The following ACOXL variants were observed in gnomAD, a reference collection of about 807,000 sequenced individuals.
ACOXL encodes acyl-coenzyme A oxidase-like protein.
In ACOXL, 70 loss-of-function variants were observed where a neutral mutation model predicts 71.9. The observed-to-expected ratio is 0.97, with a 90% CI of 0.80 to 1.19. The LOEUF (loss-of-function observed/expected upper bound fraction) is 1.19. Among genes scored for constraint, ACOXL ranks in the 50% most tolerant of loss-of-function variants. The pLI, the probability that ACOXL is intolerant of heterozygous loss-of-function variation, is 0.00. For synonymous variants in ACOXL, 253 were observed against 281.6 expected (o/e 0.90, Z 1.02); for missense variants, 703 against 736.3 (o/e 0.95, Z 0.52).
chr2:111,110,706 T>C (rs1259616766), intron 17 of ACOXL, among the ~76,000 whole-genome samples: 1 of 152,208 alleles, frequency 6.6e-6, no homozygotes, highest in Admixed American at 6.5e-5. Context: ...AAAGAGCTCA[T>C]CTCTCTGAAA....
intron 14 of ACOXL, among the ~76,000 whole-genome samples, chr2:111,018,833 CA>C (rs2064600022): frequency 6.6e-6 from 1 of 152,110 alleles, no homozygotes; most frequent in African/African-American, 2.4e-5. Flanking sequence ...CCCCAAATTG[CA>C]GTTGGGTTAG....
chr2:111,088,543 G>A (rs901036157), intron 16 of ACOXL, among the ~76,000 whole-genome samples: 2 of 152,160 alleles, frequency 1.3e-5, no homozygotes, highest in African/African-American at 4.8e-5. Context: ...AGAAAACCAA[G>A]TACTGCTTGT....
intron 11 of ACOXL, among the ~76,000 whole-genome samples, chr2:110,910,293 C>G (rs2059606926): frequency 6.6e-6 from 1 of 152,150 alleles, no homozygotes; most frequent in Non-Finnish European, 1.5e-5. Context: ...TCTTGATGTT[C>G]CTCAATGTTG....
At chr2:110,998,360 A>C (rs2063485535) in intron 14 of ACOXL, among the ~76,000 whole-genome samples, 1 of 152,230 alleles carries the variant, frequency 6.6e-6, no homozygotes, top group Non-Finnish European at 1.5e-5. Flanking sequence ...GAAGATAAAC[A>C]AGTGGTCAGA....
At position 110,975,180 on chromosome 2, in the gene ACOXL, C is replaced by T. The variant is rs561785590; in HGVS notation, c.1060-11928C>T. On this transcript the variant is annotated intron_variant, in intron 12 of 17. Transcript: ENST00000439055. Reference sequence around the variant, plus strand: ...TGATTCCTTAGGGATTTCAGACTCCCGAGGGTATTTTCCTAAGGATAATCA... The same window carrying T: ...TGATTCCTTAGGGATTTCAGACTCCTGAGGGTATTTTCCTAAGGATAATCA... Among the ~76,000 whole-genome samples, 13 of 152,252 alleles carry T rather than the reference C, an allele frequency of 8.5e-5. No homozygotes were observed. The South Asian group carries it at 1.9e-3, about 22-fold the overall frequency.
In ACOXL at chr2:111,118,545, G is replaced by A. The variant is rs2070500477; in HGVS notation, c.*729G>A. Among the ~76,000 whole-genome samples the A allele has an allele frequency of 1.3e-5, 2 of 152,232 alleles. No individual in the cohort carries two copies. Among genetic ancestry groups the A allele is most frequent in the African/African-American group, 4.8e-5 (2 of 41,454 alleles). ...GTTTAATAAAGAAATTAAGCGATGTGGAAGTCGTTCCCGCTGCTTGCAGAG... is the reference window on the plus strand; with the variant it reads ...GTTTAATAAAGAAATTAAGCGATGTAGAAGTCGTTCCCGCTGCTTGCAGAG... On this transcript the variant is annotated 3_prime_UTR_variant, in exon 18 of 18. Coordinates refer to ENST00000439055, the MANE Select transcript of ACOXL (RefSeq NM_001142807.4).
chr2:110,860,746 C>G (rs899874671), intron 10 of ACOXL, among the ~76,000 whole-genome samples: 1 of 152,154 alleles, frequency 6.6e-6, no homozygotes, highest in Non-Finnish European at 1.5e-5. Flanking sequence ...GAGAGAGACT[C>G]GAGTTCATGT....
At chr2:110,787,292 T>C (rs1046514492) in intron 3 of ACOXL, among the ~76,000 whole-genome samples, 3 of 152,236 alleles carry the variant, frequency 2.0e-5, no homozygotes, top group Non-Finnish European at 4.4e-5. Context: ...CCCAGCACTT[T>C]GGGAGGCCAA....
chr2:110,811,195 C>T (rs1283899019), intron 9 of ACOXL, among the ~76,000 whole-genome samples: 2 of 152,210 alleles, frequency 1.3e-5, no homozygotes, highest in Non-Finnish European at 2.9e-5. Context: ...CCACACTTCA[C>T]AGAAACTCCT....
intron 9 of ACOXL, among the ~76,000 whole-genome samples, chr2:110,827,863 A>G (rs1280833721): frequency 1.3e-5 from 2 of 152,222 alleles, no homozygotes; most frequent in Admixed American, 6.5e-5. Flanking sequence ...GCTTTCCCAC[A>G]TTAAATCCCA....
chr2:110,954,540 G>A (rs964252481), intron 12 of ACOXL, among the ~76,000 whole-genome samples: 6 of 151,970 alleles, frequency 3.9e-5, no homozygotes, highest in Non-Finnish European at 8.8e-5. Flanking sequence ...TTTAACTTAC[G>A]AAGTCTGAAG....
rs374905813 is a variant in ACOXL at position 111,013,455 on chromosome 2, A to G, written c.1281+17451A>G. 2.0e-3 allele frequency among the ~76,000 whole-genome samples: 290 copies of G among 147,682 alleles called. 10 individuals are homozygous for G. The South Asian group carries it at 0.06, about 30-fold the overall frequency. On this transcript the variant is annotated intron_variant, in intron 14 of 17. Coordinates refer to ENST00000439055, the MANE Select transcript of ACOXL (RefSeq NM_001142807.4). ...GGAGAATCACTTGAACCTGGGAGGC[A>G]GAGATTGCAGTGAGCTGAGATCACC... is the stretch of plus-strand genomic sequence containing the variant.
At chr2:110,961,561 GA>G in intron 12 of ACOXL, among the ~76,000 whole-genome samples, 1 of 151,716 alleles carries the variant, frequency 6.6e-6, no homozygotes, top group East Asian at 1.9e-4. Flanking sequence ...AAAATGCTCA[GA>G]AAAAAAACAC....
At chr2:110,947,144 CTGA>C (rs1374111008) in intron 12 of ACOXL, among the ~76,000 whole-genome samples, 1 of 152,218 alleles carries the variant, frequency 6.6e-6, no homozygotes, top group Admixed American at 6.5e-5. Context: ...TCTGCTGGCT[CTGA>C]TTAGTCATGT....
intron 12 of ACOXL, among the ~76,000 whole-genome samples, chr2:110,942,726 T>TAA (rs373579252): frequency 2.4e-4 from 34 of 139,610 alleles, no homozygotes; most frequent in Admixed American, 7.2e-4. Context: ...CCATCTCTAC[T>TAA]AAAAAAAAAA....
chr2:111,105,128 T>A (rs1165373254), intron 17 of ACOXL, among the ~76,000 whole-genome samples: 3 of 152,140 alleles, frequency 2.0e-5, no homozygotes, highest in African/African-American at 7.2e-5. Context: ...TTAACACCTT[T>A]AAAAATTAGT....
At chr2:111,040,079 T>A (rs2065704879) in intron 15 of ACOXL, among the ~76,000 whole-genome samples, 1 of 151,918 alleles carries the variant, frequency 6.6e-6, no homozygotes, top group South Asian at 2.1e-4. Flanking sequence ...TGCAGTTGAG[T>A]TTTTCTAGCA....
chr2:110,756,941 A>T (rs1280867674), intron 1 of ACOXL, among the ~76,000 whole-genome samples: 1 of 152,010 alleles, frequency 6.6e-6, no homozygotes, highest in African/African-American at 2.4e-5. Context: ...GGATGTGCAC[A>T]TTTGTTACAT....
intron 9 of ACOXL, among the ~76,000 whole-genome samples, chr2:110,822,878 C>T (rs1688777252): frequency 6.6e-6 from 1 of 152,142 alleles, no homozygotes; most frequent in Admixed American, 6.5e-5. Context: ...TAGTTTTTGC[C>T]TTTTTGAGAA....
Sources: gnomAD v4.1 joint callset for allele counts (sites outside exome capture counted in the v4.1 genomes callset) on GRCh38, gnomAD v4.1.1 for gene constraint, MANE v1.5 for transcripts, NCBI Gene and HGNC (gene_info 2026-07-23, HGNC 2026-07-21) for gene names.